RBM44: variants seen among roughly 807,000 people sequenced by gnomAD.
The protein encoded by RBM44 is RNA binding motif protein 44, also known as RNA-binding protein 44.
A neutral mutation model predicts 105.1 loss-of-function variants in RBM44; 66 were observed. That is an observed-to-expected ratio of 0.63 (90% CI 0.52 to 0.77). RBM44 has a LOEUF of 0.77. RBM44 is among the 30% of genes least tolerant of loss of function. RBM44 has a pLI of 0.00. For synonymous variants in RBM44, 365 were observed against 417.6 expected (o/e 0.87, Z 1.54); for missense variants, 1,122 against 1,207.8 (o/e 0.93, Z 1.05).
At chr2:237,823,666 G>T in intron 9 of RBM44, 112 bp downstream of exon 9, 1 of 580,012 alleles carries the variant, frequency 1.7e-6, no homozygotes, top group South Asian at 2.4e-5. Context: ...TTGATGGAAA[G>T]GCATCATTCT....
At position 237,825,628 on chromosome 2, in the gene RBM44, T is replaced by C. The variant is rs374763139; in HGVS notation, c.2449+1209T>C. ...ACTGCCTTCCCATCCTCTCATTAGC[T>C]CAGTGAGCTCAGGGATTTTTATGTG... On this transcript the variant is annotated intron_variant, in intron 10 of 15. Transcript: ENST00000316997. Among the ~76,000 whole-genome samples the C allele has an allele frequency of 1.4e-4, 22 of 152,324 alleles. No individual in the cohort carries two copies. The South Asian group carries it at 4.3e-3, about 30-fold the overall frequency.
At chr2:237,812,684 G>A (rs1037907945) in intron 1 of RBM44, among the ~76,000 whole-genome samples, 20 of 152,108 alleles carry the variant, frequency 1.3e-4, no homozygotes, top group Admixed American at 6.6e-5. Context: ...TTCTGCTGTA[G>A]ATACCTCAGC....
intron 15 of RBM44, among the ~76,000 whole-genome samples, chr2:237,836,578 G>A (rs868683914): frequency 7.9e-5 from 12 of 152,136 alleles, no homozygotes; most frequent in Admixed American, 2.6e-4. Flanking sequence ...TCAAGAGATC[G>A]AGACCATCCT....
Position 237,818,167 on chromosome 2 carries a change from C to T in RBM44, c.1248C>T (p.Ile416=), listed in dbSNP as rs754443237. 5.0e-6 allele frequency: 8 copies of T among 1,612,910 alleles called. No homozygotes were observed. Among genetic ancestry groups the T allele is most frequent in the African/African-American group, 1.3e-5 (1 of 74,862 alleles). Residue 416 remains isoleucine (I), a synonymous_variant, in exon 3 of 16, where the codon ATC becomes ATT. Transcript: ENST00000316997. The surrounding 1 kb of genome is among the most constrained non-coding windows in gnomAD (Gnocchi z 4.6). ...ALDFSAMLPK[I]AVRDNQAIED... Reference sequence around the variant, plus strand: ...ATTTTTCTGCTATGCTACCAAAGATCGCAGTCAGAGATAATCAGGCAATAG... The same window carrying T: ...ATTTTTCTGCTATGCTACCAAAGATTGCAGTCAGAGATAATCAGGCAATAG...
chr2:237,801,297 CCAGCCTGGGCAA>C (rs1021548813), intron 1 of RBM44, among the ~76,000 whole-genome samples: 13 of 152,164 alleles, frequency 8.5e-5, no homozygotes, highest in African/African-American at 2.9e-4. Flanking sequence ...ACTCCAGCCT[CCAGCCTGGGCAA>C]CAGCGTGAGA....
Position 237,820,296 on chromosome 2 carries a change from C to T in RBM44, c.1858C>T (p.Arg620Cys), listed in dbSNP as rs750152460. The change falls in exon 5 of 16, where the codon CGC (arginine) becomes TGC (cysteine). Residue 620 changes from arginine (R) to cysteine (C), a missense_variant. Physicochemically the swap from Arg to Cys is radical, Grantham distance 180. This residue lies in a region of RBM44 where 918 missense variants were observed against 955.3 expected (regional missense o/e 0.96). Transcript: ENST00000316997. ...AAATGTTCACTATCAGATGTGTCGT[C>T]GCCATTGTTGTGATATTTACAAACT... ...LLNVHYQMCRRHCCDIYKLVM... is the reference protein window; with the variant it reads ...LLNVHYQMCRCHCCDIYKLVM... The T allele has an allele frequency of 2.5e-6, 4 of 1,602,916 alleles. No homozygotes were observed. The highest frequency in any genetic ancestry group is 2.2e-5 in the South Asian group (2 of 89,322).
chr2:237,822,983 T>C (rs2061809067), intron 8 of RBM44, among the ~76,000 whole-genome samples: 3 of 152,000 alleles, frequency 2.0e-5, no homozygotes, highest in Admixed American at 1.3e-4. Context: ...CCTTTTTACA[T>C]AAATTTAAAT....
intron 1 of RBM44, among the ~76,000 whole-genome samples, chr2:237,805,000 A>G (rs547916604): frequency 1.5e-4 from 23 of 152,324 alleles, no homozygotes; most frequent in African/African-American, 3.1e-4. Context: ...CGCCAGAGCA[A>G]TCGAGCAAGA....
chr2:237,802,332 C>G (rs2061553465), intron 1 of RBM44, among the ~76,000 whole-genome samples: 1 of 152,204 alleles, frequency 6.6e-6, no homozygotes, highest in African/African-American at 2.4e-5. Flanking sequence ...AACTCAAACC[C>G]TGTTGTGAAC....
At chr2:237,815,233 G>C (rs13386018) in intron 2 of RBM44, among the ~76,000 whole-genome samples, 4,045 of 152,214 alleles carry the variant, frequency 0.027, 186 homozygotes, top group African/African-American at 0.092. Context: ...CAAAGAATTA[G>C]TATCTAGAAT....
At chr2:237,836,318 CT>C (rs1426365028) in intron 15 of RBM44, among the ~76,000 whole-genome samples, 1 of 151,990 alleles carries the variant, frequency 6.6e-6, no homozygotes, top group Admixed American at 6.6e-5. Flanking sequence ...GGGTTTTGTT[CT>C]TTTTTTAGAG....
chr2:237,810,236 A>G (rs2061643129), intron 1 of RBM44, among the ~76,000 whole-genome samples: 2 of 152,220 alleles, frequency 1.3e-5, no homozygotes, highest in African/African-American at 4.8e-5. Flanking sequence ...GCTGCTGGTC[A>G]ATGCAGCTCT....
In RBM44 at chr2:237,798,987, C is replaced by T. The variant is rs1012468657; in HGVS notation, c.-19+126C>T. 3 of 152,276 alleles carry T rather than the reference C, an allele frequency of 2.0e-5. No individual in the cohort carries two copies. The highest frequency in any genetic ancestry group is 4.8e-5 in the African/African-American group (2 of 41,550). The allele number at this position is 152,276 out of a possible 1,614,324, so 9.4% of individuals were successfully genotyped here. The stretch of plus-strand genomic sequence containing the variant: ...CCGGTCCCGGCGGCGAGGCCCGTCC[C>T]GCTGAAGCACGCGGGGACTCCGAAC... On this transcript the variant is annotated intron_variant, in intron 1 of 15. Transcript: ENST00000316997. The surrounding 1 kb of genome is among the most constrained non-coding windows in gnomAD (Gnocchi z 4.3).
At chr2:237,801,207 G>A (rs756958885) in intron 1 of RBM44, among the ~76,000 whole-genome samples, 6 of 152,078 alleles carry the variant, frequency 3.9e-5, no homozygotes, top group Non-Finnish European at 7.4e-5. Flanking sequence ...CTATAGTTCA[G>A]CCATTTGGGA....
intron 2 of RBM44, 98 bp from the exon 3 acceptor site, chr2:237,816,895 C>A: frequency 2.9e-6 from 2 of 690,302 alleles, no homozygotes; most frequent in South Asian, 2.9e-5. Context: ...ATTGTAATCC[C>A]GCATTGGGAA....
chr2:237,809,802 C>T (rs537183092), intron 1 of RBM44, among the ~76,000 whole-genome samples: 1 of 152,294 alleles, frequency 6.6e-6, no homozygotes, highest in African/African-American at 2.4e-5. Context: ...TACAGTGGCT[C>T]ATGCCTGTAA....
intron 15 of RBM44, among the ~76,000 whole-genome samples, chr2:237,837,068 A>G (rs1483880178): frequency 3.3e-5 from 5 of 152,196 alleles, no homozygotes; most frequent in South Asian, 4.1e-4. Flanking sequence ...GGGTCTTACC[A>G]TGTTACCCAG....
chr2:237,835,039 TTGTGTC>T (rs1416398810), intron 15 of RBM44, among the ~76,000 whole-genome samples: 6 of 152,230 alleles, frequency 3.9e-5, no homozygotes, highest in Admixed American at 3.9e-4. Context: ...TTTACCCACT[TTGTGTC>T]TGTGTCACAT....
chr2:237,824,774 A>C (rs1420949628), intron 10 of RBM44, among the ~76,000 whole-genome samples: 3 of 152,108 alleles, frequency 2.0e-5, no homozygotes, highest in African/African-American at 7.2e-5. Context: ...AACCAGTACT[A>C]ATTTGTCAAA....
Sources: gnomAD v4.1 joint callset for allele counts (sites outside exome capture counted in the v4.1 genomes callset) on GRCh38, gnomAD v4.1.1 for gene constraint, gnomAD v4.1.1 regional missense constraint, Gnocchi (gnomAD v3.1) non-coding constraint, MANE v1.5 for transcripts, NCBI Gene and HGNC (gene_info 2026-07-23, HGNC 2026-07-21) for gene names.